SLC39A11: variants seen among roughly 807,000 people sequenced by gnomAD.
SLC39A11 encodes the protein solute carrier family 39 member 11.
A neutral mutation model predicts 36.1 loss-of-function variants in SLC39A11; 33 were observed. The observed-to-expected ratio is 0.91, with a 90% confidence interval of 0.69 to 1.22. The LOEUF (loss-of-function observed/expected upper bound fraction) is 1.22. Ranked by LOEUF, SLC39A11 falls within the 50% of genes most tolerant of loss-of-function variation. The probability of loss-of-function intolerance (pLI) is 0.00; values close to 1 mark genes in which losing one functional copy is unlikely to be tolerated. For missense variants in SLC39A11, 432 were observed against 430.3 expected, an observed-to-expected ratio of 1.00 and a Z score of -0.03; for synonymous variants, 166 against 170.3, an observed-to-expected ratio of 0.97 and a Z score of 0.20.
At chr17:72,754,307 G>C (rs1347500547) in intron 6 of SLC39A11, among the ~76,000 whole-genome samples, 1 of 152,000 alleles carries the variant, frequency 6.6e-6, no homozygotes. Context: ...GGGTGGGAAG[G>C]GGGTGAGGGA....
intron 6 of SLC39A11, among the ~76,000 whole-genome samples, chr17:72,795,376 G>C (rs2076863248): frequency 6.6e-6 from 1 of 152,012 alleles, no homozygotes; most frequent in Admixed American, 6.5e-5. Context: ...AAAGACACAG[G>C]GCTGCTGATA....
rs1186034881 is a variant in SLC39A11 at position 72,647,483 on chromosome 17, G to A, written c.*101C>T. 1 of 908,542 alleles carries A rather than the reference G, an allele frequency of 1.1e-6. No homozygotes were observed. The highest frequency in any genetic ancestry group is 1.7e-5 in the African/African-American group (1 of 59,236). 56.3% of individuals were successfully genotyped at this position (908,542 alleles called of 1,614,324 possible). On this transcript the variant is annotated 3_prime_UTR_variant, in exon 10 of 10. Transcript: ENST00000255559. ...ATAATGAGATGAAGAAGAGAGGAAG[G>A]AAAAAAGTTTTAATGTGAAGAAAGA...
intron 6 of SLC39A11, among the ~76,000 whole-genome samples, chr17:72,810,319 C>A (rs2077394784): frequency 6.6e-6 from 1 of 152,130 alleles, no homozygotes; most frequent in African/African-American, 2.4e-5. Flanking sequence ...TGGTTTTTCT[C>A]CTAATAGCCC....
chr17:72,692,716 A>G (rs2072093757), intron 7 of SLC39A11, among the ~76,000 whole-genome samples: 1 of 152,174 alleles, frequency 6.6e-6, no homozygotes, highest in Admixed American at 6.5e-5. Flanking sequence ...ACCCTATCAG[A>G]TGGGGTGGGG....
chr17:72,740,860 C>T (rs932072183), intron 6 of SLC39A11, among the ~76,000 whole-genome samples: 11 of 152,228 alleles, frequency 7.2e-5, no homozygotes, highest in Admixed American at 3.3e-4. Flanking sequence ...CCGCAACCTC[C>T]GCCTCCCAGG....
At chr17:72,740,102 G>A (rs1250562223) in intron 6 of SLC39A11, among the ~76,000 whole-genome samples, 4 of 114,122 alleles carry the variant, frequency 3.5e-5, no homozygotes, top group East Asian at 2.7e-4. Context: ...TCTCTCTGTC[G>A]CCCAGGCTGG....
chr17:72,660,726 G>T (rs904411299), intron 7 of SLC39A11, among the ~76,000 whole-genome samples: 3 of 152,162 alleles, frequency 2.0e-5, no homozygotes, highest in Non-Finnish European at 4.4e-5. Flanking sequence ...CATCCACAGC[G>T]GGATTTCTCA....
At chr17:72,812,690 C>A (rs1175914052) in intron 6 of SLC39A11, among the ~76,000 whole-genome samples, 1 of 152,094 alleles carries the variant, frequency 6.6e-6, no homozygotes, top group Non-Finnish European at 1.5e-5. Context: ...TTTCCAAAGT[C>A]GTCTTTTTAC....
At chr17:72,812,086 TC>T (rs1423830182) in intron 6 of SLC39A11, among the ~76,000 whole-genome samples, 1 of 152,134 alleles carries the variant, frequency 6.6e-6, no homozygotes, top group Non-Finnish European at 1.5e-5. Flanking sequence ...TCTTTTTGTC[TC>T]CCCCACAAAA....
chr17:72,808,318 T>G (rs2077326460), intron 6 of SLC39A11, among the ~76,000 whole-genome samples: 1 of 152,352 alleles, frequency 6.6e-6, no homozygotes, highest in Admixed American at 6.5e-5. Flanking sequence ...AAGCTTGACA[T>G]GGCAGACTCC....
chr17:73,083,714 T>C (rs1193706291), intron 3 of SLC39A11, among the ~76,000 whole-genome samples: 1 of 55,760 alleles, frequency 1.8e-5, no homozygotes, highest in South Asian at 6.5e-4. Context: ...ATTACTAGCA[T>C]GAAAAAAAAA....
chr17:73,069,630 G>A (rs192610826), intron 3 of SLC39A11, among the ~76,000 whole-genome samples: 15 of 152,280 alleles, frequency 9.9e-5, no homozygotes, highest in South Asian at 6.2e-4. Context: ...CAATCCAACC[G>A]CAGCCTCTCC....
At chr17:72,696,475 A>T (rs532021890) in intron 7 of SLC39A11, among the ~76,000 whole-genome samples, 3 of 152,062 alleles carry the variant, frequency 2.0e-5, no homozygotes, top group Non-Finnish European at 2.9e-5. Flanking sequence ...TCCATGTTTA[A>T]ACCGAGATCT....
At chr17:72,913,470 T>C (rs1270015797) in intron 5 of SLC39A11, among the ~76,000 whole-genome samples, 3 of 152,056 alleles carry the variant, frequency 2.0e-5, no homozygotes, top group Non-Finnish European at 4.4e-5. Flanking sequence ...GGGCAGGAAG[T>C]GGATGGAGTC....
rs1333935425 is a variant in SLC39A11 at position 72,665,462 on chromosome 17, C to CTCACTGCACGCAAGG, written c.672-16195_672-16194insCCTTGCGTGCAGTGA. Among the ~76,000 whole-genome samples, 24 of 130,188 alleles carry CTCACTGCACGCAAGG rather than the reference C, an allele frequency of 1.8e-4. No homozygotes were observed. In the Admixed American group the frequency reaches 2.2e-3, roughly 12 times the overall value. The allele number at this position is 130,188 out of a possible 152,430, so 85.4% of individuals were successfully genotyped here. On this transcript the variant is annotated intron_variant, in intron 7 of 9. Coordinates refer to ENST00000255559, the MANE Select transcript of SLC39A11 (RefSeq NM_139177.4). ...CTGGAGTGCAGTGGCATGATCATGG[C>CTCACTGCACGCAAGG]TCACTGCAGCCTTGACCTCTCAGGT...
intron 5 of SLC39A11, among the ~76,000 whole-genome samples, chr17:72,908,488 C>T (rs927396169): frequency 1.3e-5 from 2 of 152,196 alleles, no homozygotes; most frequent in African/African-American, 4.8e-5. Flanking sequence ...TGCGACAGGA[C>T]ACTACCGTGC....
At chr17:72,884,647 G>C (rs1371913781) in intron 5 of SLC39A11, among the ~76,000 whole-genome samples, 1 of 152,208 alleles carries the variant, frequency 6.6e-6, no homozygotes, top group African/African-American at 2.4e-5. Context: ...AGACTGGCAG[G>C]AAAGCTCTGG....
chr17:73,082,659 C>CGAG (rs1266924175), intron 3 of SLC39A11, among the ~76,000 whole-genome samples: 1 of 152,104 alleles, frequency 6.6e-6, no homozygotes, highest in Non-Finnish European at 1.5e-5. Flanking sequence ...TCAAGGACCT[C>CGAG]TCTGTTGACA....
chr17:72,820,199 G>T (rs547093672), intron 6 of SLC39A11, among the ~76,000 whole-genome samples: 1 of 151,260 alleles, frequency 6.6e-6, no homozygotes, highest in Non-Finnish European at 1.5e-5. Flanking sequence ...TGCTGGAAAA[G>T]GTAGGTATGG....
Sources: gnomAD v4.1 joint callset for allele counts (sites outside exome capture counted in the v4.1 genomes callset) on GRCh38, gnomAD v4.1.1 for gene constraint, MANE v1.5 for transcripts, NCBI Gene and HGNC (gene_info 2026-07-23, HGNC 2026-07-21) for gene names.